The following BMP2K variants were observed in gnomAD, a reference collection of about 807,000 sequenced individuals.
BMP2K encodes the protein BMP-2-inducible protein kinase.
A neutral mutation model predicts 116.0 loss-of-function variants in BMP2K; 74 were observed. The observed-to-expected ratio is 0.64, with a 90% confidence interval of 0.53 to 0.77. The LOEUF (loss-of-function observed/expected upper bound fraction) is 0.77. Ranked by LOEUF, BMP2K falls within the 30% of genes least tolerant of loss-of-function variation. The pLI, the probability that BMP2K is intolerant of heterozygous loss-of-function variation, is 0.00. For missense variants in BMP2K, 1,365 were observed against 1,403.6 expected (o/e 0.97, Z 0.44); for synonymous variants, 486 against 502.5 (o/e 0.97, Z 0.44).
intron 9 of BMP2K, among the ~76,000 whole-genome samples, 157 bp from the exon 10 acceptor site, chr4:78,865,400 G>A (rs141507021): frequency 7.2e-5 from 11 of 152,220 alleles, no homozygotes; most frequent in Non-Finnish European, 8.8e-5. Flanking sequence ...TTTAGTAAAC[G>A]TTTAATACTT....
At position 78,776,729 on chromosome 4, in the gene BMP2K, C is replaced by T. The variant is rs1435462904; in HGVS notation, c.178+8C>T. 1 of 1,264,626 alleles carries T rather than the reference C, an allele frequency of 7.9e-7. No homozygotes were observed. The allele number at this position is 1,264,626 out of a possible 1,614,324, so 78.3% of individuals were successfully genotyped here. On this transcript the variant is annotated splice_region_variant and intron_variant, in intron 1 of 15. Transcript: ENST00000502613. ...AAGAGTCGCTGGCCGAAGGTACGGGCGCCCGGGGAGGCTCGGACAGGCAGG... is the reference window on the plus strand; with the variant it reads ...AAGAGTCGCTGGCCGAAGGTACGGGTGCCCGGGGAGGCTCGGACAGGCAGG...
At position 78,878,728 on chromosome 4, in the gene BMP2K, C is replaced by T; in HGVS notation, c.1794-6C>T. ...CTTCTTTTTTCTTACTCAATTATTA[C>T]TATAGGTCAGTTGCTGATAAAGAGG... On this transcript the variant is annotated splice_polypyrimidine_tract_variant and splice_region_variant and intron_variant, in intron 13 of 15. Coordinates refer to ENST00000502613, the MANE Select transcript of BMP2K (RefSeq NM_198892.2). The T allele has an allele frequency of 1.3e-6, 2 of 1,592,894 alleles. No homozygotes were observed. Among genetic ancestry groups the T allele is most frequent in the East Asian group, 4.5e-5 (2 of 44,170 alleles).
intron 1 of BMP2K, among the ~76,000 whole-genome samples, chr4:78,800,233 G>A (rs537265833): frequency 6.6e-6 from 1 of 152,158 alleles, no homozygotes; most frequent in Non-Finnish European, 1.5e-5. Flanking sequence ...CTTTGGCTCT[G>A]TGATGAGACT....
intron 7 of BMP2K, among the ~76,000 whole-genome samples, chr4:78,858,750 G>A (rs922624272): frequency 6.6e-6 from 1 of 150,550 alleles, no homozygotes; most frequent in Non-Finnish European, 1.5e-5. Flanking sequence ...ATTTTAAGTA[G>A]TTTAAAAAGG....
chr4:78,885,897 C>T (rs1361239255), intron 14 of BMP2K, among the ~76,000 whole-genome samples: 1 of 152,142 alleles, frequency 6.6e-6, no homozygotes, highest in Non-Finnish European at 1.5e-5. Context: ...CTCTGTCATC[C>T]AGGCTGGAAT....
chr4:78,844,826 A>C (rs1730920271), intron 4 of BMP2K, 102 bp from the exon 5 acceptor site: 1 of 1,050,040 alleles, frequency 9.5e-7, no homozygotes, highest in Admixed American at 2.2e-5. Context: ...TTATTGTGTA[A>C]AAATAAGCTT....
intron 1 of BMP2K, among the ~76,000 whole-genome samples, chr4:78,786,425 G>C (rs892243804): frequency 6.6e-6 from 1 of 150,570 alleles, no homozygotes; most frequent in African/African-American, 2.5e-5. Context: ...GTGTGTGTGT[G>C]TGTGTGTGTG....
At chr4:78,821,334 C>T (rs1340146841) in intron 1 of BMP2K, among the ~76,000 whole-genome samples, 1 of 152,150 alleles carries the variant, frequency 6.6e-6, no homozygotes, top group Non-Finnish European at 1.5e-5. Context: ...AATTGTGTGA[C>T]TCCCACATTT....
intron 15 of BMP2K, among the ~76,000 whole-genome samples, chr4:78,903,101 T>C (rs965296764): frequency 7.2e-5 from 11 of 152,078 alleles, no homozygotes; most frequent in African/African-American, 2.2e-4. Context: ...CAAGGTATTG[T>C]ATTGTATTGT....
chr4:78,821,548 T>A (rs1304772925), intron 1 of BMP2K, among the ~76,000 whole-genome samples: 1 of 152,200 alleles, frequency 6.6e-6, no homozygotes, highest in Non-Finnish European at 1.5e-5. Flanking sequence ...TCTATTCCCA[T>A]GCCCCAGAAT....
intron 2 of BMP2K, among the ~76,000 whole-genome samples, chr4:78,829,856 T>A (rs1204693407): frequency 6.6e-6 from 1 of 150,658 alleles, no homozygotes; most frequent in African/African-American, 2.5e-5. Context: ...TCTTCTTTTT[T>A]TCTTTTCTTT....
At chr4:78,906,260 G>A (rs1299693789) in intron 15 of BMP2K, 24 of 152,120 alleles carry the variant, frequency 1.6e-4, no homozygotes, top group Admixed American at 1.6e-3. Flanking sequence ...CAGTAAAAGT[G>A]TAGAGTGAAA....
chr4:78,828,799 A>G (rs1318148455), intron 2 of BMP2K, among the ~76,000 whole-genome samples: 2 of 152,226 alleles, frequency 1.3e-5, no homozygotes, highest in Admixed American at 6.5e-5. Context: ...ACAACTGATG[A>G]TCACCAGAGC....
At chr4:78,876,041 T>G (rs1045511231) in intron 13 of BMP2K, among the ~76,000 whole-genome samples, 1 of 152,232 alleles carries the variant, frequency 6.6e-6, no homozygotes, top group African/African-American at 2.4e-5. Flanking sequence ...AAGGGAGGAA[T>G]GTCAGATAAC....
intron 6 of BMP2K, among the ~76,000 whole-genome samples, chr4:78,849,650 C>A (rs1226869844): frequency 9.9e-5 from 15 of 151,294 alleles, no homozygotes; most frequent in Non-Finnish European, 4.4e-5. Flanking sequence ...TGTATATGAG[C>A]TGAAAATATC....
At chr4:78,902,900 G>A (rs1263981260) in intron 15 of BMP2K, among the ~76,000 whole-genome samples, 3 of 151,970 alleles carry the variant, frequency 2.0e-5, no homozygotes, top group African/African-American at 7.2e-5. Context: ...TGCAATATTT[G>A]TTTAAAATAG....
chr4:78,782,394 A>G (rs1727546147), intron 1 of BMP2K, among the ~76,000 whole-genome samples: 1 of 152,228 alleles, frequency 6.6e-6, no homozygotes, highest in African/African-American at 2.4e-5. Context: ...GTTGTATCAC[A>G]CAAGTTGGCC....
At chr4:78,838,523 A>G (rs940542614) in intron 3 of BMP2K, among the ~76,000 whole-genome samples, 5 of 152,216 alleles carry the variant, frequency 3.3e-5, no homozygotes, top group Non-Finnish European at 7.3e-5. Context: ...AGATGAATCA[A>G]TTAGATAAGT....
chr4:78,859,468 C>A, intron 7 of BMP2K, 116 bp from the exon 8 acceptor site: 4 of 602,568 alleles, frequency 6.6e-6, no homozygotes, highest in Non-Finnish European at 1.1e-5. Context: ...TTGCTAGAAT[C>A]ATCACTGATC....
Sources: allele counts gnomAD v4.1 joint callset (sites outside exome capture counted in the v4.1 genomes callset), GRCh38; gene constraint gnomAD v4.1.1; transcripts MANE v1.5; gene names NCBI Gene and HGNC (gene_info 2026-07-23, HGNC 2026-07-21).